Variants in GPR158 observed in about 807,000 individuals in gnomAD.
GPR158 encodes metabotropic glycine receptor.
A neutral mutation model predicts 78.2 loss-of-function variants in GPR158; 30 were observed. The observed-to-expected ratio is 0.38, with a 90% CI of 0.29 to 0.52. The LOEUF is 0.52. Among genes scored for constraint, GPR158 ranks in the 20% least tolerant of loss-of-function variants. The pLI, the probability that GPR158 is intolerant of heterozygous loss-of-function variation, is 0.83. For missense variants in GPR158, 1,463 were observed against 1,523.5 expected (o/e 0.96, Z 0.66); for synonymous variants, 581 against 591.1 (o/e 0.98, Z 0.25).
At chr10:25,192,702 G>T (rs766965483) in intron 1 of GPR158, among the ~76,000 whole-genome samples, 1 of 151,600 alleles carries the variant, frequency 6.6e-6, no homozygotes, top group Non-Finnish European at 1.5e-5. Flanking sequence ...ATTTATGATG[G>T]TTCTACCTAC....
chr10:25,250,527 G>A (rs1437027050), intron 2 of GPR158, among the ~76,000 whole-genome samples: 1 of 145,102 alleles, frequency 6.9e-6, no homozygotes, highest in East Asian at 2.0e-4. Context: ...TGTTCTCGTT[G>A]GTTTCAAAGA....
chr10:25,541,791 G>A (rs984977105), intron 5 of GPR158, among the ~76,000 whole-genome samples: 4 of 151,782 alleles, frequency 2.6e-5, no homozygotes, highest in African/African-American at 4.8e-5. Context: ...CCTTTGTGGA[G>A]TGTCCTCCAT....
At chr10:25,477,961 G>A (rs140831497) in intron 5 of GPR158, among the ~76,000 whole-genome samples, 1 of 152,226 alleles carries the variant, frequency 6.6e-6, no homozygotes, top group East Asian at 1.9e-4. Flanking sequence ...AGCCATAGAT[G>A]CCCAGAAGTT....
chr10:25,217,737 T>A (rs1269040955), intron 1 of GPR158, among the ~76,000 whole-genome samples: 2 of 152,162 alleles, frequency 1.3e-5, no homozygotes, highest in Non-Finnish European at 2.9e-5. Flanking sequence ...GGAAATCGTG[T>A]TTGATGGACT....
chr10:25,285,923 C>G (rs1362722056), intron 2 of GPR158, among the ~76,000 whole-genome samples: 2 of 148,524 alleles, frequency 1.3e-5, no homozygotes, highest in Non-Finnish European at 2.9e-5. Flanking sequence ...TGACGTTTTC[C>G]TTTTCTTTCA....
At position 25,598,926 on chromosome 10, in the gene GPR158, AGAG is replaced by A. The variant is rs1229086059; in HGVS notation, c.3304_3306del (p.Glu1102del). The A allele has an allele frequency of 3.7e-6, 6 of 1,614,100 alleles. No homozygotes were observed. The highest frequency in any genetic ancestry group is 2.2e-5 in the East Asian group (1 of 44,870). ...CTCCAGTTCTCCCAGAGAGGGCAAA[AGAG>A]GAGAACGGAGGTCAGCCTCGTGCAG... On this transcript the variant is annotated inframe_deletion, in exon 11 of 11. Transcript: ENST00000376351.
intron 2 of GPR158, among the ~76,000 whole-genome samples, chr10:25,353,487 GA>G (rs35135416): frequency 5.4e-4 from 80 of 148,354 alleles, no homozygotes; most frequent in East Asian, 3.7e-3. Context: ...AATAATAAAA[GA>G]AAAAAAAAAT....
At chr10:25,415,098 A>G (rs1246191702) in intron 4 of GPR158, among the ~76,000 whole-genome samples, 1 of 152,168 alleles carries the variant, frequency 6.6e-6, no homozygotes, top group Non-Finnish European at 1.5e-5. Flanking sequence ...ACATTGACAT[A>G]AATCTTCATG....
chr10:25,218,734 T>G (rs933274187), intron 1 of GPR158, among the ~76,000 whole-genome samples: 1 of 152,230 alleles, frequency 6.6e-6, no homozygotes, highest in Non-Finnish European at 1.5e-5. Context: ...AATTATGCCT[T>G]GAACTGTGTT....
chr10:25,489,307 G>A (rs1054195088), intron 5 of GPR158, among the ~76,000 whole-genome samples: 1 of 152,010 alleles, frequency 6.6e-6, no homozygotes, highest in Non-Finnish European at 1.5e-5. Context: ...TAGGACTCTT[G>A]GCAAGTGGTA....
At chr10:25,390,241 T>A (rs1834276489) in intron 2 of GPR158, among the ~76,000 whole-genome samples, 1 of 152,182 alleles carries the variant, frequency 6.6e-6, no homozygotes, top group South Asian at 2.1e-4. Context: ...GCTATTAAGA[T>A]ACCCTAAAAT....
chr10:25,423,482 C>G (rs1156985759), intron 4 of GPR158, among the ~76,000 whole-genome samples: 5 of 151,866 alleles, frequency 3.3e-5, no homozygotes, highest in Non-Finnish European at 7.4e-5. Flanking sequence ...TGGATTGCTG[C>G]ACCCATTAAT....
At chr10:25,308,929 C>T (rs1854723273) in intron 2 of GPR158, among the ~76,000 whole-genome samples, 1 of 152,072 alleles carries the variant, frequency 6.6e-6, no homozygotes, top group South Asian at 2.1e-4. Context: ...ATGTATATGC[C>T]ACATTTTTGC....
chr10:25,505,285 GCTC>G (rs1215217917), intron 5 of GPR158, among the ~76,000 whole-genome samples: 1 of 152,160 alleles, frequency 6.6e-6, no homozygotes, highest in Non-Finnish European at 1.5e-5. Flanking sequence ...AGTCTATGCT[GCTC>G]TGTTTCTGAG....
chr10:25,449,731 AGT>A (rs1456207163), intron 4 of GPR158, among the ~76,000 whole-genome samples: 1 of 152,198 alleles, frequency 6.6e-6, no homozygotes, highest in Non-Finnish European at 1.5e-5. Flanking sequence ...GGAGATTTTA[AGT>A]GTTCTCACCA....
chr10:25,544,041 T>A (rs762949002), intron 5 of GPR158, among the ~76,000 whole-genome samples: 2 of 152,196 alleles, frequency 1.3e-5, no homozygotes, highest in Non-Finnish European at 2.9e-5. Context: ...GGGTGTGACA[T>A]CTGCTGCTGC....
intron 2 of GPR158, among the ~76,000 whole-genome samples, chr10:25,246,551 G>A (rs532350792): frequency 6.6e-6 from 1 of 152,298 alleles, no homozygotes; most frequent in South Asian, 2.1e-4. Context: ...AAAAGCTGAT[G>A]AGCTGAGCAT....
At chr10:25,592,513 A>G (rs758629273) in intron 8 of GPR158, among the ~76,000 whole-genome samples, 8 of 152,038 alleles carry the variant, frequency 5.3e-5, no homozygotes, top group Non-Finnish European at 1.0e-4. Flanking sequence ...ACGAAGCTTT[A>G]AAACTACTGC....
chr10:25,497,533 G>A (rs1835898386), intron 5 of GPR158, among the ~76,000 whole-genome samples: 1 of 152,186 alleles, frequency 6.6e-6, no homozygotes, highest in Non-Finnish European at 1.5e-5. Context: ...TCTAGTACTA[G>A]CGTGTAGACA....
Sources: gnomAD v4.1 joint callset for allele counts (sites outside exome capture counted in the v4.1 genomes callset) on GRCh38, gnomAD v4.1.1 for gene constraint, MANE v1.5 for transcripts, NCBI Gene and HGNC (gene_info 2026-07-23, HGNC 2026-07-21) for gene names.